The following PARL variants were observed in gnomAD, a reference collection of about 807,000 sequenced individuals.
PARL encodes presenilin-associated rhomboid-like protein, mitochondrial.
In PARL, 44 loss-of-function variants were observed where a neutral mutation model predicts 51.6. That is an observed-to-expected ratio of 0.85 (90% CI 0.67 to 1.10). The LOEUF is 1.10. Among genes scored for constraint, PARL ranks in the 50% least tolerant of loss-of-function variants. The pLI is 0.00. For synonymous variants in PARL, 172 were observed against 164.0 expected, an observed-to-expected ratio of 1.05 and a Z score of -0.37; for missense variants, 441 against 469.5, an observed-to-expected ratio of 0.94 and a Z score of 0.56.
intron 1 of PARL, among the ~76,000 whole-genome samples, chr3:183,868,721 C>T (rs985289455): frequency 1.3e-4 from 20 of 152,308 alleles, no homozygotes; most frequent in African/African-American, 4.8e-4. Context: ...TTGTCAGTTT[C>T]AGTCAGAATG....
intron 1 of PARL, among the ~76,000 whole-genome samples, chr3:183,873,468 G>A (rs1430282909): frequency 6.6e-6 from 1 of 152,114 alleles, no homozygotes; most frequent in Non-Finnish European, 1.5e-5. Context: ...GAACCCAGGA[G>A]GCAGAGGTTG....
intron 4 of PARL, among the ~76,000 whole-genome samples, chr3:183,849,133 TA>T (rs1730281741): frequency 6.6e-6 from 1 of 152,116 alleles, no homozygotes; most frequent in African/African-American, 2.4e-5. Flanking sequence ...AGAGAATAAT[TA>T]AATGATCAGC....
chr3:183,840,528 T>G lies in PARL; in HGVS notation c.828+42A>C, dbSNP rs749006099. 18 of 937,104 alleles carry G rather than the reference T, an allele frequency of 1.9e-5. No homozygotes were observed. In the East Asian group the frequency reaches 2.4e-4, roughly 12 times the overall value. 58.0% of individuals were successfully genotyped at this position (937,104 alleles called of 1,614,324 possible). On this transcript the variant is annotated intron_variant, in intron 7 of 9. Coordinates refer to ENST00000317096, the MANE Select transcript of PARL (RefSeq NM_018622.7). ...AGTCTAAACTTATTTCAAAGTAAAT[T>G]TAAAAATTAAATTAAAAAAAATTTA...
downstream of PARL, among the ~76,000 whole-genome samples, chr3:183,828,773 A>G (rs1351127944): frequency 1.3e-5 from 2 of 152,210 alleles, no homozygotes; most frequent in Non-Finnish European, 2.9e-5. Context: ...AAGACTTGGT[A>G]TAACATTTTG....
At chr3:183,859,039 G>C (rs568872498) in intron 4 of PARL, among the ~76,000 whole-genome samples, 2 of 152,224 alleles carry the variant, frequency 1.3e-5, no homozygotes, top group East Asian at 3.9e-4. Context: ...GGGCGCGGTG[G>C]CTCACGCCTG....
At chr3:183,829,835 C>T in intron 9 of PARL, 126 bp from the exon 10 acceptor site, 1 of 796,222 alleles carries the variant, frequency 1.3e-6, no homozygotes, top group Non-Finnish European at 2.2e-6. Context: ...CCGATTAAAA[C>T]TGACTCACAT....
chr3:183,867,564 G>C (rs1057046932), intron 2 of PARL, among the ~76,000 whole-genome samples: 4 of 152,058 alleles, frequency 2.6e-5, no homozygotes, highest in African/African-American at 9.7e-5. Flanking sequence ...GCCAGGCGTG[G>C]TGGCCAGTGC....
chr3:183,875,416 A>AG (rs1733686938), intron 1 of PARL, among the ~76,000 whole-genome samples: 1 of 16,100 alleles, frequency 6.2e-5, no homozygotes, highest in South Asian at 1.9e-3. Context: ...CTCTGTCTCC[A>AG]AAAAAAAAAA....
intron 4 of PARL, among the ~76,000 whole-genome samples, chr3:183,854,928 G>A (rs756032099): frequency 2.0e-5 from 3 of 151,998 alleles, no homozygotes; most frequent in Non-Finnish European, 4.4e-5. Context: ...ATAAACAAAT[G>A]TAATATATCC....
chr3:183,882,148 G>A (rs923292997), intron 1 of PARL, among the ~76,000 whole-genome samples: 1 of 146,556 alleles, frequency 6.8e-6, no homozygotes, highest in African/African-American at 2.5e-5. Flanking sequence ...AAGTTGCAGT[G>A]AGCTGAGATC....
At chr3:183,841,966 T>C (rs920802028) in intron 6 of PARL, among the ~76,000 whole-genome samples, 3 of 152,238 alleles carry the variant, frequency 2.0e-5, no homozygotes, top group East Asian at 1.9e-4. Flanking sequence ...ATCTATAAAA[T>C]GGAGGGCCTA....
intron 4 of PARL, among the ~76,000 whole-genome samples, chr3:183,853,658 C>T (rs566601279): frequency 6.6e-6 from 1 of 152,094 alleles, no homozygotes; most frequent in Admixed American, 6.6e-5. Flanking sequence ...AAATGGCCAA[C>T]GAGCACGTGA....
At chr3:183,864,897 AT>A (rs775510666) in intron 3 of PARL, among the ~76,000 whole-genome samples, 136 of 145,902 alleles carry the variant, frequency 9.3e-4, no homozygotes, top group Non-Finnish European at 1.5e-3. Flanking sequence ...TAAAAGCTCC[AT>A]ATTTCTTTTT....
chr3:183,846,507 G>C (rs984672628), intron 4 of PARL: 10 of 983,986 alleles, frequency 1.0e-5, no homozygotes, highest in Non-Finnish European at 1.2e-5. Flanking sequence ...AAAAAAAAGC[G>C]GGGGGAAAGA....
intron 1 of PARL, chr3:183,879,651 G>T: frequency 1.7e-6 from 1 of 585,784 alleles, no homozygotes; most frequent in Non-Finnish European, 2.2e-6. Flanking sequence ...GCTTTTAGAT[G>T]TAGTATGTTT....
At chr3:183,846,767 C>T in intron 4 of PARL, 1 of 228,630 alleles carries the variant, frequency 4.4e-6, no homozygotes, top group Non-Finnish European at 7.2e-6. Context: ...ACGTGAACCA[C>T]TATAAATTCA....
At chr3:183,867,341 C>T (rs544451829) in intron 2 of PARL, among the ~76,000 whole-genome samples, 4 of 152,186 alleles carry the variant, frequency 2.6e-5, no homozygotes, top group African/African-American at 9.6e-5. Context: ...CCAAACAAGG[C>T]CCATATGTTT....
In PARL at chr3:183,883,706, A is replaced by T. The variant is rs77834810; in HGVS notation, c.125+1016T>A. 153 of 984,896 alleles carry T rather than the reference A, an allele frequency of 1.6e-4. No homozygotes were observed. The East Asian group carries it at 0.012, about 80-fold the overall frequency. The allele number at this position is 984,896 out of a possible 1,614,324, so 61.0% of individuals were successfully genotyped here. A position where few individuals can be genotyped will look rare whatever the true frequency, so the allele number is the denominator to read the frequency against. ...GATCTATGTTAGTGTATGAAGATAC[A>T]ATGTATGTAAAGTTTTCACAAGTCC... On this transcript the variant is annotated intron_variant, in intron 1 of 9. Coordinates refer to ENST00000317096, the MANE Select transcript of PARL (RefSeq NM_018622.7).
chr3:183,849,154 A>G (rs9844777), intron 4 of PARL, among the ~76,000 whole-genome samples: 113,932 of 152,054 alleles, frequency 0.75, 42,972 homozygotes, highest in East Asian at 0.96. Context: ...CAAGGAAGCA[A>G]AAGACTTCAG....
Sources: gnomAD v4.1 joint callset for allele counts (sites outside exome capture counted in the v4.1 genomes callset) on GRCh38, gnomAD v4.1.1 for gene constraint, MANE v1.5 for transcripts, NCBI Gene and HGNC (gene_info 2026-07-23, HGNC 2026-07-21) for gene names.